BCAS3: variants seen among roughly 807,000 people sequenced by gnomAD.
BCAS3 encodes BCAS3 microtubule associated cell migration factor.
BCAS3 carries 53 observed loss-of-function variants against 116.1 expected under a neutral mutation model. That is an observed-to-expected ratio of 0.46 (90% CI 0.37 to 0.57). The LOEUF is 0.57. Ranked by LOEUF, BCAS3 falls within the 20% of genes least tolerant of loss-of-function variation. The pLI is 0.00. For missense variants in BCAS3, 917 were observed against 1,165.4 expected (o/e 0.79, Z 3.10); for synonymous variants, 391 against 408.2 (o/e 0.96, Z 0.51).
At chr17:60,818,979 A>G (rs1204975258) in intron 7 of BCAS3, among the ~76,000 whole-genome samples, 1 of 152,146 alleles carries the variant, frequency 6.6e-6, no homozygotes, top group Admixed American at 6.6e-5. Context: ...AGTGCATGCT[A>G]GATATGATCT....
rs145122181 is a variant in BCAS3, at chr17:60,689,564, C to T, written c.139-122C>T. ...TAATGTTCTAAAATATTCTAGTTACCAAGATGTAGGGTTGGTGAAGTTGGA... is the reference window on the plus strand; with the variant it reads ...TAATGTTCTAAAATATTCTAGTTACTAAGATGTAGGGTTGGTGAAGTTGGA... On this transcript the variant is annotated intron_variant, in intron 3 of 23. Transcript: ENST00000407086. 1,539 of 552,044 alleles carry T rather than the reference C, an allele frequency of 2.8e-3. 22 individuals carry two copies. Among genetic ancestry groups the T allele is most frequent in the African/African-American group, 0.026 (1,318 of 51,522 alleles). The allele number at this position is 552,044 out of a possible 1,614,324, so 34.2% of individuals were successfully genotyped here.
In BCAS3 at chr17:61,049,293, C is replaced by T. The variant is rs186438660; in HGVS notation, c.2029+8401C>T. 1.6e-4 allele frequency among the ~76,000 whole-genome samples: 24 copies of T among 151,790 alleles called. No homozygotes were observed. The East Asian group carries it at 4.4e-3, about 28-fold the overall frequency. ...TCCAGCCTGGGCAACAGAGCAAGAC[C>T]TTTTCTCAAATAATAATAATAAAAT... On this transcript the variant is annotated intron_variant, in intron 19 of 23. Transcript: ENST00000407086.
At chr17:60,740,437 A>C (rs1280330659) in intron 5 of BCAS3, among the ~76,000 whole-genome samples, 1 of 150,036 alleles carries the variant, frequency 6.7e-6, no homozygotes, top group Non-Finnish European at 1.5e-5. Context: ...GGGCCGAGGC[A>C]GCAGTGAGCC....
intron 22 of BCAS3, among the ~76,000 whole-genome samples, chr17:61,149,257 C>T (rs7211909): frequency 1.3e-5 from 2 of 151,730 alleles, no homozygotes; most frequent in African/African-American, 2.4e-5. Flanking sequence ...ACCTGCTTTC[C>T]GCTGGTAAGA....
At chr17:60,807,941 A>T in intron 6 of BCAS3, 63 bp from the exon 7 acceptor site, 3 of 1,167,708 alleles carry the variant, frequency 2.6e-6, no homozygotes, top group South Asian at 2.8e-5. Flanking sequence ...AAAGCATGAA[A>T]ATAGTGGGAA....
At chr17:60,703,198 C>T (rs2036645863) in intron 4 of BCAS3, among the ~76,000 whole-genome samples, 3 of 151,920 alleles carry the variant, frequency 2.0e-5, no homozygotes, top group African/African-American at 7.2e-5. Flanking sequence ...TCATTTGAAC[C>T]CGGGAGGTGG....
intron 13 of BCAS3, among the ~76,000 whole-genome samples, chr17:60,938,127 C>T (rs919865486): frequency 2.2e-4 from 34 of 152,116 alleles, no homozygotes; most frequent in Non-Finnish European, 4.1e-4. Context: ...ATCTCCTGAC[C>T]TCGTGATCCG....
intron 3 of BCAS3, among the ~76,000 whole-genome samples, chr17:60,685,072 A>G (rs1271584896): frequency 6.6e-6 from 1 of 152,340 alleles, no homozygotes; most frequent in Admixed American, 6.5e-5. Context: ...GTGAGAATGT[A>G]ATGGGGACAA....
intron 4 of BCAS3, among the ~76,000 whole-genome samples, chr17:60,700,049 CT>C (rs2036178970): frequency 6.6e-6 from 1 of 151,994 alleles, no homozygotes; most frequent in African/African-American, 2.4e-5. Context: ...TGGCACGTCC[CT>C]ATGGTCCCAG....
At chr17:61,273,384 T>A (rs187900888) in intron 22 of BCAS3, among the ~76,000 whole-genome samples, 1 of 152,292 alleles carries the variant, frequency 6.6e-6, no homozygotes, top group African/African-American at 2.4e-5. Context: ...AAAATACCAT[T>A]TTTTAAAAAG....
In BCAS3 at chr17:61,296,655, T is replaced by G. The variant is rs73328871; in HGVS notation, c.2426-71672T>G. The stretch of plus-strand genomic sequence containing the variant: ...TCTACCATTTTATTGGTTTATTTAT[T>G]TATTCAACAGAAATTTATTAAGCAC... On this transcript the variant is annotated intron_variant, in intron 22 of 23. Coordinates refer to ENST00000407086, the MANE Select transcript of BCAS3 (RefSeq NM_017679.5). 7.3e-3 allele frequency among the ~76,000 whole-genome samples: 1,112 copies of G among 152,320 alleles called. 12 individuals carry two copies. The highest frequency in any genetic ancestry group is 0.025 in the African/African-American group (1,049 of 41,564).
At chr17:60,685,962 C>T (rs767495499) in intron 3 of BCAS3, among the ~76,000 whole-genome samples, 2 of 151,586 alleles carry the variant, frequency 1.3e-5, no homozygotes, top group South Asian at 2.1e-4. Flanking sequence ...CTCTGCCTCC[C>T]GGGTTCATGC....
rs1207772756 is a variant in BCAS3, at chr17:61,362,277, ACGT to A, written c.2426-6048_2426-6046del. On this transcript the variant is annotated intron_variant, in intron 22 of 23. Coordinates refer to ENST00000407086, the MANE Select transcript of BCAS3 (RefSeq NM_017679.5). This position sits in a 1 kb window ranked among gnomAD's most constrained non-coding sequence, Gnocchi z 4.4. ...TGGGATCATTTCTTAGTTATTGTAG[ACGT>A]CATCATCACAACCTCTCACCAAGGA... Among the ~76,000 whole-genome samples the A allele has an allele frequency of 6.6e-6, 1 of 152,182 alleles. No homozygotes were observed. The highest frequency in any genetic ancestry group is 2.4e-5 in the African/African-American group (1 of 41,456).
In BCAS3 at chr17:61,130,956, T is replaced by TGAGGTGGGAGAATCACTTG. The variant is rs2076302078; in HGVS notation, c.2425+46393_2425+46411dup. On this transcript the variant is annotated intron_variant, in intron 22 of 23. Coordinates refer to ENST00000407086, the MANE Select transcript of BCAS3 (RefSeq NM_017679.5). This position sits in a 1 kb window ranked among gnomAD's most constrained non-coding sequence, Gnocchi z 5.0. ...CCGTAATTCCAGCTACTTGGGAGGC[T>TGAGGTGGGAGAATCACTTG]GAGGTGGGAGAATCACTTGAACCTG... 1 of 152,410 alleles carries TGAGGTGGGAGAATCACTTG rather than the reference T, an allele frequency of 6.6e-6. No homozygotes were observed. The highest frequency in any genetic ancestry group is 1.9e-4 in the East Asian group (1 of 5,186). 9.4% of individuals were successfully genotyped at this position (152,410 alleles called of 1,614,324 possible).
chr17:60,870,116 T>C (rs924871809), intron 8 of BCAS3, among the ~76,000 whole-genome samples: 6 of 152,216 alleles, frequency 3.9e-5, no homozygotes, highest in African/African-American at 1.4e-4. Flanking sequence ...TGTAGTCATC[T>C]ATATCTGAAT....
At chr17:60,732,363 A>G (rs1046403022) in intron 5 of BCAS3, among the ~76,000 whole-genome samples, 1 of 152,202 alleles carries the variant, frequency 6.6e-6, no homozygotes, top group East Asian at 1.9e-4. Context: ...AGCAAGGAAA[A>G]CAAGTTGCAA....
intron 22 of BCAS3, among the ~76,000 whole-genome samples, chr17:61,274,372 T>C (rs1293483507): frequency 1.4e-5 from 2 of 142,402 alleles, no homozygotes; most frequent in African/African-American, 5.2e-5. Flanking sequence ...CACTGCAACC[T>C]CTGCCTCCTG....
rs1177499906 is a variant in BCAS3, at chr17:61,244,552, C to T, written c.2426-123775C>T. On this transcript the variant is annotated intron_variant, in intron 22 of 23. Transcript: ENST00000407086. This position sits in a 1 kb window ranked among gnomAD's most constrained non-coding sequence, Gnocchi z 4.9. ...TTACCCAAATCTCACATACTTTATT[C>T]AGTCTATATTTTTAAAAATTGGATA... Among the ~76,000 whole-genome samples the T allele has an allele frequency of 6.6e-6, 1 of 152,146 alleles. No individual in the cohort carries two copies. The highest frequency in any genetic ancestry group is 1.5e-5 in the Non-Finnish European group (1 of 68,008).
intron 18 of BCAS3, 45 bp from the exon 19 acceptor site, chr17:61,040,747 C>A: frequency 6.9e-7 from 1 of 1,459,238 alleles, no homozygotes; most frequent in Non-Finnish European, 9.6e-7. Context: ...ATTTACATCC[C>A]ATCTATTAAG....
Sources: allele counts gnomAD v4.1 joint callset (sites outside exome capture counted in the v4.1 genomes callset), GRCh38; gene constraint gnomAD v4.1.1; non-coding constraint Gnocchi (gnomAD v3.1); transcripts MANE v1.5; gene names NCBI Gene and HGNC (gene_info 2026-07-23, HGNC 2026-07-21).